The following NUP107 variants were observed in gnomAD, a reference collection of about 807,000 sequenced individuals.
The protein encoded by NUP107 is nuclear pore complex protein Nup107.
A neutral mutation model predicts 141.0 loss-of-function variants in NUP107; 101 were observed. The ratio of observed to expected loss-of-function variants is 0.72; its 90% confidence interval spans 0.61 to 0.84. NUP107 has a LOEUF of 0.84. NUP107 is among the 40% of genes least tolerant of loss of function. The probability of loss-of-function intolerance (pLI) is 0.00; values close to 1 mark genes in which losing one functional copy is unlikely to be tolerated. For synonymous variants in NUP107, 319 were observed against 363.9 expected, an observed-to-expected ratio of 0.88 and a Z score of 1.41; for missense variants, 941 against 1,102.7, an observed-to-expected ratio of 0.85 and a Z score of 2.08.
chr12:68,740,092 T>C (rs2136054761), intron 26 of NUP107: 1 of 152,326 alleles, frequency 6.6e-6, no homozygotes. Flanking sequence ...CACACTCTGA[T>C]ATTATGGCAG....
Position 68,733,583 on chromosome 12 carries a change from C to G in NUP107, c.2233C>G (p.Arg745Gly), listed in dbSNP as rs763847945. The G allele has an allele frequency of 1.2e-6, 2 of 1,610,682 alleles. No individual in the cohort carries two copies. The highest frequency in any genetic ancestry group is 2.7e-5 in the African/African-American group (2 of 74,784). ...PLPAEDDNAI[R>G]EHLCIRAYLE... ...TCCTGCTGAAGATGATAATGCTATC[C>G]GAGAACATTTGTGCATCAGAGCTTA... Residue 745 changes from arginine to glycine, a missense_variant, in exon 24 of 28, where the codon CGA becomes GGA. Physicochemically the swap from Arg to Gly is moderately radical, Grantham distance 125. Transcript: ENST00000229179.
chr12:68,717,501 ATATAT>A (rs1251403678), intron 12 of NUP107, among the ~76,000 whole-genome samples: 2 of 148,880 alleles, frequency 1.3e-5, no homozygotes, highest in African/African-American at 5.0e-5. Context: ...ATCGTATAAT[ATATAT>A]TATTATATTA....
chr12:68,720,970 T>C, intron 14 of NUP107, 148 bp from the exon 15 acceptor site: 1 of 449,550 alleles, frequency 2.2e-6, no homozygotes, highest in East Asian at 3.5e-5. Flanking sequence ...TTCCTTGTTA[T>C]TACCCCACTA....
intron 5 of NUP107, among the ~76,000 whole-genome samples, chr12:68,693,461 G>A (rs538365039): frequency 7.2e-5 from 11 of 152,190 alleles, no homozygotes; most frequent in Non-Finnish European, 2.9e-5. Flanking sequence ...TGATCCTACC[G>A]CCTCAGCCTC....
In NUP107 at chr12:68,693,081, A is replaced by AT. The variant is rs200195932; in HGVS notation, c.448+972dup. ...TAATTTTTTATTTATTTATTTATTT[A>AT]TTTATTTTTTTTTTTAGACGGAGTC... On this transcript the variant is annotated intron_variant, in intron 5 of 27. Transcript: ENST00000229179. 3.0e-3 allele frequency among the ~76,000 whole-genome samples: 410 copies of AT among 136,484 alleles called. 8 individuals are homozygous for AT. In the East Asian group the frequency reaches 0.043, roughly 14 times the overall value. The allele number at this position is 136,484 out of a possible 152,430, so 89.5% of individuals were successfully genotyped here. A position where few individuals can be genotyped will look rare whatever the true frequency, so the allele number is the denominator to read the frequency against.
chr12:68,708,213 C>T (rs73334606), intron 8 of NUP107, among the ~76,000 whole-genome samples: 114 of 152,066 alleles, frequency 7.5e-4, no homozygotes, highest in African/African-American at 2.5e-3. Flanking sequence ...TACCAAGGGA[C>T]GACTATATGT....
intron 6 of NUP107, among the ~76,000 whole-genome samples, chr12:68,698,980 A>G (rs998251289): frequency 1.3e-5 from 2 of 152,132 alleles, no homozygotes; most frequent in African/African-American, 2.4e-5. Flanking sequence ...TGTAACAGAT[A>G]TACCATTCTA....
intron 8 of NUP107, chr12:68,705,552 A>AT: frequency 4.0e-6 from 1 of 249,780 alleles, no homozygotes; most frequent in Non-Finnish European, 8.1e-6. Context: ...AAAAAAAAAA[A>AT]GAATCACCAA....
At position 68,733,190 on chromosome 12, in the gene NUP107, G is replaced by A. The variant is rs116779117; in HGVS notation, c.2102-262G>A. On this transcript the variant is annotated intron_variant, in intron 23 of 27. Transcript: ENST00000229179. ...TTTGCAAATAATCTCAAGGCTATCCGACTTTGAAAAATGAATTGCTTTAAG... is the reference window on the plus strand; with the variant it reads ...TTTGCAAATAATCTCAAGGCTATCCAACTTTGAAAAATGAATTGCTTTAAG... Among the ~76,000 whole-genome samples, 1,225 of 152,096 alleles carry A rather than the reference G, an allele frequency of 8.1e-3. 14 individuals carry two copies. The highest frequency in any genetic ancestry group is 0.028 in the African/African-American group (1,141 of 41,480).
In NUP107 at chr12:68,721,900, G is replaced by C. The variant is rs748319621; in HGVS notation, c.1371G>C (p.Val457=). ...DTVWAYFRVM[V]DSLVEQEIQT... ...TTTGGGCCTACTTCCGGGTGATGGT[G>C]GACAGTCTGGTAGAACAGGAGATCC... The change falls in exon 16 of 28, where the codon GTG becomes GTC. Residue 457 remains valine, a synonymous_variant. Coordinates refer to ENST00000229179, the MANE Select transcript of NUP107 (RefSeq NM_020401.4). 3.7e-6 allele frequency: 6 copies of C among 1,614,036 alleles called. No homozygotes were observed. The highest frequency in any genetic ancestry group is 5.1e-6 in the Non-Finnish European group (6 of 1,179,950).
rs150484158 is a variant in NUP107 at position 68,725,752 on chromosome 12, A to G, written c.1532A>G (p.His511Arg). Residue 511 changes from histidine to arginine, a missense_variant, in exon 18 of 28, where the codon CAT (histidine) becomes CGT (arginine). His to Arg is a conservative substitution (Grantham distance 29). Transcript: ENST00000229179. Reference sequence around the variant, plus strand: ...AGAGTTCTGGAAGAGAATCAAGAACATTATCATATAGTTCAAAAGTTTCTT... The same window carrying G: ...AGAGTTCTGGAAGAGAATCAAGAACGTTATCATATAGTTCAAAAGTTTCTT... Reference protein sequence around the residue: ...KKRVLEENQEHYHIVQKFLIL... With the variant: ...KKRVLEENQERYHIVQKFLIL... 6.5e-7 allele frequency: 1 copy of G among 1,532,406 alleles called. No homozygotes were observed. The highest frequency in any genetic ancestry group is 8.9e-7 in the Non-Finnish European group (1 of 1,126,618). The allele number at this position is 1,532,406 out of a possible 1,614,324, so 94.9% of individuals were successfully genotyped here.
intron 12 of NUP107, among the ~76,000 whole-genome samples, chr12:68,719,054 A>G (rs1167443169): frequency 6.6e-6 from 1 of 151,970 alleles, no homozygotes; most frequent in Non-Finnish European, 1.5e-5. Context: ...GCGCCTGGCT[A>G]GTTTTCCTGT....
rs1256048471 is a variant in NUP107, at chr12:68,744,155, T to C, written c.*1693T>C. The C allele has an allele frequency of 6.6e-6, 1 of 152,226 alleles. No homozygotes were observed. Among genetic ancestry groups the C allele is most frequent in the African/African-American group, 2.4e-5 (1 of 41,466 alleles). 9.4% of individuals were successfully genotyped at this position (152,226 alleles called of 1,614,324 possible). A position where few individuals can be genotyped will look rare whatever the true frequency, so the allele number is the denominator to read the frequency against. ...TTAGCCTAAATGAGGAGGAGGAATA[T>C]TGTATGCTTCCATCGTAACCGTATG... On this transcript the variant is annotated 3_prime_UTR_variant, in exon 28 of 28. Transcript: ENST00000229179.
intron 20 of NUP107, among the ~76,000 whole-genome samples, chr12:68,730,214 C>CTTTTTTTTTTTTTTTTTTTTTTTTT (rs756700880): frequency 1.2e-5 from 1 of 85,374 alleles, no homozygotes; most frequent in Non-Finnish European, 2.2e-5. Flanking sequence ...GTGATACTAC[C>CTTTTTTTTTTTTTTTTTTTTTTTTT]TTTTTTTTTT....
In NUP107 at chr12:68,735,357, C is replaced by G; in HGVS notation, c.2502+13C>G. On this transcript the variant is annotated intron_variant, in intron 26 of 27. Coordinates refer to ENST00000229179, the MANE Select transcript of NUP107 (RefSeq NM_020401.4). ...GGATGTTAGAGAGGTAAGCTGTGTG[C>G]ATTGTTTATAGCCAAAAACCAAAAC... 6.3e-7 allele frequency: 1 copy of G among 1,592,254 alleles called. No individual in the cohort carries two copies. Among genetic ancestry groups the G allele is most frequent in the Non-Finnish European group, 8.6e-7 (1 of 1,160,348 alleles).
intron 11 of NUP107, 151 bp from the exon 12 acceptor site, chr12:68,715,476 A>G (rs1877061136): frequency 1.9e-6 from 1 of 526,576 alleles, no homozygotes; most frequent in African/African-American, 1.9e-5. Context: ...CCTGGGCGAC[A>G]GAACAAGACT....
At chr12:68,699,259 G>T (rs530558444) in intron 6 of NUP107, among the ~76,000 whole-genome samples, 136 of 152,216 alleles carry the variant, frequency 8.9e-4, no homozygotes, top group Non-Finnish European at 1.5e-3. Context: ...TGTAATCCCA[G>T]CTACTCGGGA....
chr12:68,713,586 A>G, intron 10 of NUP107, 144 bp from the exon 11 acceptor site: 1 of 630,682 alleles, frequency 1.6e-6, no homozygotes, highest in Non-Finnish European at 2.7e-6. Flanking sequence ...CATCTGAGCT[A>G]AAATGTACTT....
chr12:68,718,284 C>G (rs1413618959), intron 12 of NUP107, among the ~76,000 whole-genome samples: 6 of 152,072 alleles, frequency 3.9e-5, no homozygotes, highest in Admixed American at 3.9e-4. Context: ...TAGCTCACAT[C>G]CCTAACCTTA....
Sources: gnomAD v4.1 joint callset for allele counts (sites outside exome capture counted in the v4.1 genomes callset) on GRCh38, gnomAD v4.1.1 for gene constraint, MANE v1.5 for transcripts, NCBI Gene and HGNC (gene_info 2026-07-23, HGNC 2026-07-21) for gene names.